Variants in FAM20A observed in about 807,000 individuals in gnomAD.
The protein encoded by FAM20A is pseudokinase FAM20A.
Under a neutral mutation model 52.0 loss-of-function variants are expected in FAM20A, and 42 were observed. The observed-to-expected ratio is 0.81, with a 90% confidence interval of 0.63 to 1.04. The LOEUF (loss-of-function observed/expected upper bound fraction) is 1.04. Ranked by LOEUF, FAM20A falls within the 50% of genes least tolerant of loss-of-function variation. FAM20A has a pLI of 0.00. For missense variants in FAM20A, 742 were observed against 712.7 expected, an observed-to-expected ratio of 1.04 and a Z score of -0.47; for synonymous variants, 304 against 298.9, an observed-to-expected ratio of 1.02 and a Z score of -0.18.
chr17:68,599,001 A>T (rs1221822111), intron 1 of FAM20A, among the ~76,000 whole-genome samples: 1 of 152,220 alleles, frequency 6.6e-6, no homozygotes, highest in Non-Finnish European at 1.5e-5. Context: ...GTTAACGTGG[A>T]ATTGAGAATC....
At chr17:68,551,206 C>T in intron 4 of FAM20A, 1 of 1,085,124 alleles carries the variant, frequency 9.2e-7, no homozygotes, top group Non-Finnish European at 1.2e-6. Context: ...TCACACCAAG[C>T]TCTGTCTAAG....
chr17:68,562,475 G>T (rs551857024), intron 1 of FAM20A, among the ~76,000 whole-genome samples: 1 of 152,214 alleles, frequency 6.6e-6, no homozygotes, highest in South Asian at 2.1e-4. Flanking sequence ...GTGCTCCTTG[G>T]GGGTATGCAT....
intron 1 of FAM20A, among the ~76,000 whole-genome samples, chr17:68,596,650 G>A (rs2088461267): frequency 6.6e-6 from 1 of 152,178 alleles, no homozygotes; most frequent in Admixed American, 6.5e-5. Context: ...GCACAATTCT[G>A]GCTTGTTAGT....
chr17:68,600,813 T>C lies in FAM20A; in HGVS notation c.-147A>G. ...CCGGAATGCTCCCCGCGCGGGCTAG[T>C]CCCCTGTGGAGGGGTGTCGCTCCTC... On this transcript the variant is annotated 5_prime_UTR_variant, in exon 1 of 11. Coordinates refer to ENST00000592554, the MANE Select transcript of FAM20A (RefSeq NM_017565.4). This position sits in a 1 kb window ranked among gnomAD's most constrained non-coding sequence, Gnocchi z 6.2. 2.3e-6 allele frequency: 2 copies of C among 857,674 alleles called. No homozygotes were observed. The highest frequency in any genetic ancestry group is 1.7e-6 in the Non-Finnish European group (1 of 578,502). The allele number at this position is 857,674 out of a possible 1,614,324, so 53.1% of individuals were successfully genotyped here.
intron 1 of FAM20A, among the ~76,000 whole-genome samples, chr17:68,592,069 T>G (rs1410756891): frequency 1.3e-5 from 2 of 152,078 alleles, no homozygotes; most frequent in African/African-American, 4.8e-5. Context: ...AAGGGAAAAA[T>G]GGACCTCACC....
intron 1 of FAM20A, chr17:68,591,650 G>T (rs1182479584): frequency 6.6e-6 from 1 of 152,274 alleles, no homozygotes; most frequent in Admixed American, 6.5e-5. Flanking sequence ...CCTGAAGGCT[G>T]AACAACCGGA....
chr17:68,555,628 A>T lies in FAM20A; in HGVS notation c.520T>A (p.Tyr174Asn). ...CTGACAACAGGGCTGGACCGGGAGT[A>T]GAGCCCATGGCGGTTAATACCCAGG... ...FHLGINRHGL[Y>N]SRSSPVVSKL... is the part of the protein sequence containing the mutation. The change falls in exon 2 of 11, where the codon TAC becomes AAC. Residue 174 changes from tyrosine to asparagine, a missense_variant. By Grantham distance (143) the Tyr-to-Asn change is moderately radical. Coordinates refer to ENST00000592554, the MANE Select transcript of FAM20A (RefSeq NM_017565.4). 2 of 1,613,722 alleles carry T rather than the reference A, an allele frequency of 1.2e-6. No homozygotes were observed. Among genetic ancestry groups the T allele is most frequent in the Non-Finnish European group, 1.7e-6 (2 of 1,180,028 alleles).
intron 1 of FAM20A, among the ~76,000 whole-genome samples, chr17:68,594,331 G>A (rs1187584953): frequency 5.9e-5 from 9 of 151,742 alleles, no homozygotes; most frequent in Non-Finnish European, 8.8e-5. Context: ...CCCGGGAGGC[G>A]GAGCTTGCAG....
At chr17:68,553,747 C>CAT (rs1212737852) in intron 3 of FAM20A, among the ~76,000 whole-genome samples, 1 of 145,442 alleles carries the variant, frequency 6.9e-6, no homozygotes, top group African/African-American at 2.7e-5. Context: ...TATATATACA[C>CAT]ATATATATAC....
chr17:68,581,402 CTTTCTTTCTTTCTTT>C (rs1219034433), intron 1 of FAM20A, among the ~76,000 whole-genome samples: 2 of 142,678 alleles, frequency 1.4e-5, no homozygotes, highest in African/African-American at 5.3e-5. Context: ...TTCTTTCTTT[CTTTCTTTCTTTCTTT>C]TTCTCTTTTC....
chr17:68,576,945 C>CAACA (rs994521411), intron 1 of FAM20A, among the ~76,000 whole-genome samples: 1 of 152,136 alleles, frequency 6.6e-6, no homozygotes, highest in African/African-American at 2.4e-5. Flanking sequence ...TCTACCCTCA[C>CAACA]AACAACTTTC....
At chr17:68,548,537 A>G (rs534004740) in intron 4 of FAM20A, among the ~76,000 whole-genome samples, 2 of 151,980 alleles carry the variant, frequency 1.3e-5, no homozygotes, top group South Asian at 4.1e-4. Flanking sequence ...CTCAAAAAAA[A>G]AAAGTTTGAA....
chr17:68,574,796 G>C (rs947624716), intron 1 of FAM20A, among the ~76,000 whole-genome samples: 1 of 152,170 alleles, frequency 6.6e-6, no homozygotes, highest in African/African-American at 2.4e-5. Flanking sequence ...CCCCCAAAGA[G>C]ATCTGCGTCT....
intron 4 of FAM20A, among the ~76,000 whole-genome samples, chr17:68,548,581 C>A (rs1327990591): frequency 6.6e-6 from 1 of 151,894 alleles, no homozygotes; most frequent in Non-Finnish European, 1.5e-5. Context: ...GACACAGAGA[C>A]ACAAAGTGGG....
chr17:68,541,828 A>G, intron 7 of FAM20A, 157 bp downstream of exon 7: 1 of 853,382 alleles, frequency 1.2e-6, no homozygotes, highest in Non-Finnish European at 1.8e-6. Context: ...AGGGGAGAAC[A>G]GACCCAGGCC....
chr17:68,540,770 GT>G, intron 8 of FAM20A, 78 bp downstream of exon 8: 1 of 1,529,242 alleles, frequency 6.5e-7, no homozygotes, highest in Non-Finnish European at 8.8e-7. Context: ...CAGGTTGTAA[GT>G]TTGTGCTCAA....
chr17:68,595,184 T>C (rs1417567505), intron 1 of FAM20A, among the ~76,000 whole-genome samples: 2 of 152,228 alleles, frequency 1.3e-5, no homozygotes, highest in East Asian at 1.9e-4. Context: ...AACTTGGTTG[T>C]GGTGAAAGAA....
At chr17:68,555,892 A>G (rs1430674184) in intron 1 of FAM20A, 149 bp from the exon 2 acceptor site, 2 of 1,007,366 alleles carry the variant, frequency 2.0e-6, no homozygotes, top group Non-Finnish European at 3.0e-6. Flanking sequence ...TGTGCTTAGG[A>G]TATCTTGGGG....
At chr17:68,559,686 AATG>A (rs1466404670) in intron 1 of FAM20A, among the ~76,000 whole-genome samples, 1 of 152,220 alleles carries the variant, frequency 6.6e-6, no homozygotes, top group Non-Finnish European at 1.5e-5. Flanking sequence ...CAAAATGTTA[AATG>A]TCAAGACTCT....
Sources: allele counts gnomAD v4.1 joint callset (sites outside exome capture counted in the v4.1 genomes callset), GRCh38; gene constraint gnomAD v4.1.1; non-coding constraint Gnocchi (gnomAD v3.1); transcripts MANE v1.5; gene names NCBI Gene and HGNC (gene_info 2026-07-23, HGNC 2026-07-21).